HEMK2: variants seen among roughly 807,000 people sequenced by gnomAD.
The protein encoded by HEMK2 is methyltransferase HEMK2.
At chr21:28,661,679 T>G in the HEMK2 span, among the ~76,000 whole-genome samples, 1 of 152,152 alleles carries the variant, frequency 6.6e-6, no homozygotes, top group Non-Finnish European at 1.5e-5. Context: ...CCTTAAGAAC[T>G]CTTCATTCCT....
the HEMK2 span, among the ~76,000 whole-genome samples, chr21:28,660,334 T>C: frequency 6.6e-6 from 1 of 151,904 alleles, no homozygotes; most frequent in Middle Eastern, 3.4e-3. Flanking sequence ...TGTTGAACAG[T>C]AAATTGGGCA....
chr21:28,755,186 G>A, the HEMK2 span, among the ~76,000 whole-genome samples: 1 of 152,154 alleles, frequency 6.6e-6, no homozygotes, highest in African/African-American at 2.4e-5. Context: ...GAAGGCTAAT[G>A]GCACCTAGAA....
the HEMK2 span, among the ~76,000 whole-genome samples, chr21:28,716,946 C>T: frequency 6.6e-6 from 1 of 152,162 alleles, no homozygotes; most frequent in Non-Finnish European, 1.5e-5. Flanking sequence ...ATTAAACCAA[C>T]CTTGCATCCC....
chr21:28,872,507 T>C, the HEMK2 span: 1 of 152,220 alleles, frequency 6.6e-6, no homozygotes, highest in African/African-American at 2.4e-5. Context: ...CAGGAACCCT[T>C]CTCTATTTGC....
chr21:28,716,103 G>C, the HEMK2 span, among the ~76,000 whole-genome samples: 5 of 143,702 alleles, frequency 3.5e-5, no homozygotes. Flanking sequence ...CGTTTGCTTA[G>C]GATTTCTTTG....
chr21:28,620,660 CTTTTTTTTTTTTTTTT>C, the HEMK2 span, among the ~76,000 whole-genome samples: 6 of 49,656 alleles, frequency 1.2e-4, no homozygotes, highest in Admixed American at 1.3e-3. Context: ...TCTCTCTTTT[CTTTTTTTTTTTTTTTT>C]TTTTTTTTTT....
chr21:28,604,619 A>C, the HEMK2 span, among the ~76,000 whole-genome samples: 2 of 152,214 alleles, frequency 1.3e-5, no homozygotes, highest in Admixed American at 6.5e-5. Flanking sequence ...ACTGCTCAGC[A>C]ATTCTCCTCA....
chr21:28,850,176 C>T, the HEMK2 span, among the ~76,000 whole-genome samples: 1 of 151,542 alleles, frequency 6.6e-6, no homozygotes, highest in African/African-American at 2.4e-5. Context: ...TCAGCAGAAA[C>T]CCCACAAGCC....
At chr21:28,868,272 A>G in the HEMK2 span, among the ~76,000 whole-genome samples, 1 of 152,214 alleles carries the variant, frequency 6.6e-6, no homozygotes, top group African/African-American at 2.4e-5. Context: ...TATGAAAAAC[A>G]CTTTTGAGAT....
the HEMK2 span, among the ~76,000 whole-genome samples, chr21:28,737,783 A>G: frequency 6.6e-6 from 1 of 152,236 alleles, no homozygotes; most frequent in African/African-American, 2.4e-5. Context: ...TAAGTGAGCT[A>G]AATTCACCAA....
At chr21:28,753,295 C>T in the HEMK2 span, among the ~76,000 whole-genome samples, 2 of 149,800 alleles carry the variant, frequency 1.3e-5, no homozygotes, top group Admixed American at 6.7e-5. Context: ...AGGCAGAAGT[C>T]GCAGTGAACT....
At chr21:28,674,542 TG>T in the HEMK2 span, 2 of 152,196 alleles carry the variant, frequency 1.3e-5, no homozygotes, top group Non-Finnish European at 2.9e-5. Flanking sequence ...CCTGCTTCTC[TG>T]GAGTTAAATG....
At chr21:28,622,095 A>C in the HEMK2 span, among the ~76,000 whole-genome samples, 5 of 152,190 alleles carry the variant, frequency 3.3e-5, no homozygotes, top group African/African-American at 9.6e-5. Flanking sequence ...GGGTCAGCCC[A>C]AAATCTCCTT....
At chr21:28,877,258 A>AT in the HEMK2 span, among the ~76,000 whole-genome samples, 1 of 91,314 alleles carries the variant, frequency 1.1e-5, no homozygotes, top group Non-Finnish European at 2.1e-5. Flanking sequence ...AGGGAAGAGA[A>AT]GGGAAGGAAG....
At chr21:28,851,199 CA>C in the HEMK2 span, among the ~76,000 whole-genome samples, 1 of 152,108 alleles carries the variant, frequency 6.6e-6, no homozygotes, top group African/African-American at 2.4e-5. Context: ...GGCCTTACTC[CA>C]AATCCTAGAG....
the HEMK2 span, among the ~76,000 whole-genome samples, chr21:28,582,879 C>T: frequency 6.6e-6 from 1 of 152,090 alleles, no homozygotes; most frequent in Non-Finnish European, 1.5e-5. Flanking sequence ...AATATGAATC[C>T]TGGTTGTTAT....
At chr21:28,784,292 T>C in the HEMK2 span, among the ~76,000 whole-genome samples, 89 of 152,352 alleles carry the variant, frequency 5.8e-4, no homozygotes, top group Middle Eastern at 3.4e-3. Context: ...CAGCACTCTG[T>C]GTCTAGCTCA....
At chr21:28,808,609 A>G in the HEMK2 span, among the ~76,000 whole-genome samples, 1 of 152,040 alleles carries the variant, frequency 6.6e-6, no homozygotes, top group African/African-American at 2.4e-5. Flanking sequence ...ATATTTATTT[A>G]TAAATACATT....
At chr21:28,841,189 TAA>T in the HEMK2 span, among the ~76,000 whole-genome samples, 2 of 19,364 alleles carry the variant, frequency 1.0e-4, no homozygotes, top group Non-Finnish European at 1.4e-4. Context: ...ATATATATTA[TAA>T]TATATATATT....
Sources: gnomAD v4.1 joint callset for allele counts (sites outside exome capture counted in the v4.1 genomes callset) on GRCh38, gnomAD v4.1.1 for gene constraint, MANE v1.5 for transcripts, NCBI Gene and HGNC (gene_info 2026-07-23, HGNC 2026-07-21) for gene names.